Variants in ATP2B2 observed in about 807,000 individuals in gnomAD.
ATP2B2 encodes plasma membrane calcium-transporting ATPase 2.
A neutral mutation model predicts 120.0 loss-of-function variants in ATP2B2; 15 were observed. The ratio of observed to expected loss-of-function variants is 0.12; its 90% CI spans 0.08 to 0.19. The LOEUF is 0.19. Among genes scored for constraint, ATP2B2 ranks in the 10% least tolerant of loss-of-function variants. ATP2B2 has a pLI of 1.00. For missense variants in ATP2B2, 1,045 were observed against 1,719.8 expected (o/e 0.61, Z 6.94); for synonymous variants, 694 against 700.3 (o/e 0.99, Z 0.14).
At chr3:10,510,941 G>A (rs2066749429) in intron 3 of ATP2B2, among the ~76,000 whole-genome samples, 1 of 151,886 alleles carries the variant, frequency 6.6e-6, no homozygotes, top group East Asian at 1.9e-4. Context: ...CTAACTCCCT[G>A]CAGCCTTGGG....
chr3:10,640,987 T>C (rs930309522), intron 1 of ATP2B2, among the ~76,000 whole-genome samples: 4 of 152,142 alleles, frequency 2.6e-5, no homozygotes, highest in Non-Finnish European at 5.9e-5. Context: ...GAGGACAATG[T>C]GAATGGATTC....
At chr3:10,591,494 C>G (rs1421983055) in intron 2 of ATP2B2, among the ~76,000 whole-genome samples, 2 of 152,130 alleles carry the variant, frequency 1.3e-5, no homozygotes, top group African/African-American at 2.4e-5. Flanking sequence ...GCTCTCTCCC[C>G]CTCAAATCAC....
In ATP2B2 at chr3:10,340,589, G is replaced by T. The variant is rs774567588; in HGVS notation, c.3033C>A (p.Ile1011=). The T allele has an allele frequency of 3.7e-6, 6 of 1,614,260 alleles. No homozygotes were observed. Among genetic ancestry groups the T allele is most frequent in the Non-Finnish European group, 4.2e-6 (5 of 1,180,048 alleles). ...GCTCGCCGTGGATCTTGCGGGCGTT[G>T]ATCTCGTTGAAGAGCTGCATCATGA... ...TFVMMQLFNE[I]NARKIHGERN... is the part of the protein sequence containing the mutation. The change falls in exon 20 of 23, where the codon ATC becomes ATA. Residue 1011 remains isoleucine (I), a synonymous_variant. Transcript: ENST00000360273. This position sits in a 1 kb window ranked among gnomAD's most constrained non-coding sequence, Gnocchi z 5.0.
At chr3:10,389,936 G>T (rs2061795962) in intron 5 of ATP2B2, among the ~76,000 whole-genome samples, 2 of 152,178 alleles carry the variant, frequency 1.3e-5, no homozygotes, top group Admixed American at 1.3e-4. Flanking sequence ...CGGCACTGCT[G>T]GTCCTTTGTC....
At chr3:10,406,664 C>T (rs1342360097) in intron 3 of ATP2B2, among the ~76,000 whole-genome samples, 9 of 152,206 alleles carry the variant, frequency 5.9e-5, no homozygotes, top group Non-Finnish European at 1.5e-5. Flanking sequence ...GATGAAATTG[C>T]CTTAGAACAT....
intron 1 of ATP2B2, among the ~76,000 whole-genome samples, chr3:10,620,131 G>A (rs868303661): frequency 3.3e-5 from 5 of 152,272 alleles, no homozygotes; most frequent in South Asian, 2.1e-4. Context: ...TTCTGGCTCC[G>A]CTGGGGAGGG....
chr3:10,537,891 T>G lies in ATP2B2; in HGVS notation c.-414-3758A>C, dbSNP rs74495082. Among the ~76,000 whole-genome samples the G allele has an allele frequency of 5.8e-3, 888 of 152,354 alleles. 13 individuals carry two copies. The highest frequency in any genetic ancestry group is 0.02 in the African/African-American group (837 of 41,582). On this transcript the variant is annotated intron_variant, in intron 2 of 21. Transcript: ENST00000646379. ...GTTGAATTTGCTTTTCCTACATTGA[T>G]GGATACCATCATGTGATTTTCTTCT...
At chr3:10,489,446 G>A (rs536136695) in intron 1 of ATP2B2, among the ~76,000 whole-genome samples, 1 of 152,338 alleles carries the variant, frequency 6.6e-6, no homozygotes, top group East Asian at 1.9e-4. Context: ...ATTCTATGGA[G>A]GACTTGCATA....
intron 12 of ATP2B2, among the ~76,000 whole-genome samples, chr3:10,362,151 C>T (rs544085886): frequency 3.9e-5 from 6 of 152,350 alleles, no homozygotes; most frequent in East Asian, 1.9e-4. Context: ...GCTATGAACA[C>T]GCCTGTGTCC....
intron 2 of ATP2B2, among the ~76,000 whole-genome samples, chr3:10,554,898 G>A (rs2067745960): frequency 6.6e-6 from 1 of 152,254 alleles, no homozygotes; most frequent in South Asian, 2.1e-4. Flanking sequence ...CCTTGTTGAG[G>A]CTACTGAGGC....
intron 2 of ATP2B2, among the ~76,000 whole-genome samples, chr3:10,541,708 C>A (rs1240559860): frequency 2.0e-5 from 3 of 152,122 alleles, no homozygotes; most frequent in Non-Finnish European, 4.4e-5. Context: ...AGCATATGTT[C>A]TGTGGGCGCT....
rs2060311460 is a variant in ATP2B2, at chr3:10,342,639, C to G, written c.2917+113G>C. On this transcript the variant is annotated intron_variant, in intron 19 of 22. Coordinates refer to ENST00000360273, the MANE Select transcript of ATP2B2 (RefSeq NM_001001331.4). The surrounding 1 kb of genome is among the most constrained non-coding windows in gnomAD (Gnocchi z 4.4). Reference sequence around the variant, plus strand: ...CTTGACCTCCCTGGGCCTCAATTTCCCCATTAGCAAAACAGGAGGGGGTTG... The same window carrying G: ...CTTGACCTCCCTGGGCCTCAATTTCGCCATTAGCAAAACAGGAGGGGGTTG... 1 of 1,323,098 alleles carries G rather than the reference C, an allele frequency of 7.6e-7. No individual in the cohort carries two copies. The highest frequency in any genetic ancestry group is 2.5e-5 in the East Asian group (1 of 40,520). The allele number at this position is 1,323,098 out of a possible 1,614,324, so 82.0% of individuals were successfully genotyped here.
intron 5 of ATP2B2, among the ~76,000 whole-genome samples, chr3:10,397,451 C>T (rs1575116395): frequency 1.3e-5 from 2 of 152,182 alleles, no homozygotes; most frequent in East Asian, 1.9e-4. Context: ...CATGACGAGG[C>T]TGTGTCTGTT....
At chr3:10,465,415 GA>G (rs1222515111) in intron 1 of ATP2B2, among the ~76,000 whole-genome samples, 2 of 152,352 alleles carry the variant, frequency 1.3e-5, no homozygotes, top group African/African-American at 4.8e-5. Flanking sequence ...GAAAGAGTGG[GA>G]GGTGCTGTTT....
rs2059851012 is a variant in ATP2B2 at position 10,326,031 on chromosome 3, A to G, written c.*2783T>C. 6.6e-6 allele frequency: 1 copy of G among 152,406 alleles called. No individual in the cohort carries two copies. The highest frequency in any genetic ancestry group is 2.4e-5 in the African/African-American group (1 of 41,436). 9.4% of individuals were successfully genotyped at this position (152,406 alleles called of 1,614,324 possible). On this transcript the variant is annotated 3_prime_UTR_variant, in exon 23 of 23. Transcript: ENST00000360273. ...AGAACCACACTGCACGAGTCAGAAGAGCCAGCGATTGAAAGCATAACCATT... is the reference window on the plus strand; with the variant it reads ...AGAACCACACTGCACGAGTCAGAAGGGCCAGCGATTGAAAGCATAACCATT...
intron 1 of ATP2B2, among the ~76,000 whole-genome samples, chr3:10,624,280 C>T (rs1308272923): frequency 6.6e-6 from 1 of 152,192 alleles, no homozygotes; most frequent in Non-Finnish European, 1.5e-5. Flanking sequence ...TTTAGTAAGT[C>T]TAACGTGTGG....
chr3:10,481,651 T>G (rs2065420009), intron 1 of ATP2B2, among the ~76,000 whole-genome samples: 2 of 152,224 alleles, frequency 1.3e-5, no homozygotes, highest in African/African-American at 4.8e-5. Context: ...CCTCCTGGGT[T>G]CAAGTGATTC....
intron 7 of ATP2B2, 98 bp from the exon 8 acceptor site, chr3:10,385,425 C>G: frequency 9.8e-7 from 1 of 1,025,074 alleles, no homozygotes; most frequent in Non-Finnish European, 1.5e-6. Flanking sequence ...TAACATGACT[C>G]TATTCTTAAA....
At chr3:10,386,280 C>A (rs1221234535) in intron 7 of ATP2B2, among the ~76,000 whole-genome samples, 200 bp downstream of exon 7, 2 of 152,004 alleles carry the variant, frequency 1.3e-5, no homozygotes, top group Non-Finnish European at 2.9e-5. Context: ...ACTGTAAGGG[C>A]AAGAGGGTGG....
Sources: allele counts gnomAD v4.1 joint callset (sites outside exome capture counted in the v4.1 genomes callset), GRCh38; gene constraint gnomAD v4.1.1; non-coding constraint Gnocchi (gnomAD v3.1); transcripts MANE v1.5; gene names NCBI Gene and HGNC (gene_info 2026-07-23, HGNC 2026-07-21).